NF1: variants seen among roughly 807,000 people sequenced by gnomAD.
NF1 encodes the protein neurofibromin 1.
NF1 carries 122 observed loss-of-function variants against 325.7 expected under a neutral mutation model. The ratio of observed to expected loss-of-function variants is 0.37; its 90% CI spans 0.32 to 0.44. NF1 has a LOEUF of 0.44. NF1 is among the 20% of genes least tolerant of loss of function. The probability of loss-of-function intolerance (pLI) is 1.00; values close to 1 mark genes in which losing one functional copy is unlikely to be tolerated. For missense variants in NF1, 2,140 were observed against 3,415.4 expected (o/e 0.63, Z 9.31); for synonymous variants, 1,091 against 1,186.0 (o/e 0.92, Z 1.65).
At chr17:31,309,444 T>G (rs185840065) in intron 36 of NF1, among the ~76,000 whole-genome samples, 2 of 152,376 alleles carry the variant, frequency 1.3e-5, no homozygotes, top group Non-Finnish European at 1.5e-5. Flanking sequence ...ATATAGGGAT[T>G]TGAATAATCT....
At chr17:31,111,964 A>G (rs574452086) in intron 1 of NF1, among the ~76,000 whole-genome samples, 37 of 152,306 alleles carry the variant, frequency 2.4e-4, no homozygotes, top group African/African-American at 8.2e-4. Flanking sequence ...TTGCCATCCA[A>G]TCAATAAACT....
At chr17:31,358,806 A>T in intron 55 of NF1, 163 bp from the exon 56 acceptor site, 2 of 1,042,572 alleles carry the variant, frequency 1.9e-6, no homozygotes, top group Non-Finnish European at 1.4e-6. Flanking sequence ...TTTTATGCTG[A>T]GTATATTTTA....
chr17:31,123,358 C>A (rs187946240), intron 1 of NF1, among the ~76,000 whole-genome samples: 3 of 152,322 alleles, frequency 2.0e-5, no homozygotes. Flanking sequence ...CATTCTCAAT[C>A]TTTCAGAATC....
intron 1 of NF1, among the ~76,000 whole-genome samples, chr17:31,120,806 A>G (rs1422226096): frequency 6.6e-6 from 1 of 152,040 alleles, no homozygotes; most frequent in Non-Finnish European, 1.5e-5. Context: ...AAAAATCAGC[A>G]TCTGGACTGC....
chr17:31,315,363 C>T (rs1205155793), intron 36 of NF1, among the ~76,000 whole-genome samples: 1 of 152,060 alleles, frequency 6.6e-6, no homozygotes, highest in African/African-American at 2.4e-5. Flanking sequence ...GAGTGACTGT[C>T]ATTAATACCA....
At chr17:31,206,511 A>C (rs1035169520) in intron 12 of NF1, 140 bp downstream of exon 12, 35 of 1,006,144 alleles carry the variant, frequency 3.5e-5, no homozygotes, top group Non-Finnish European at 6.2e-6. Context: ...GGTATGTTGT[A>C]TCTAGAATAT....
chr17:31,330,231 G>A, intron 38 of NF1, 65 bp from the exon 39 acceptor site: 1 of 1,366,446 alleles, frequency 7.3e-7, no homozygotes, highest in Non-Finnish European at 1.0e-6. Context: ...TGTATGTTAT[G>A]AAAAAATTTT....
intron 1 of NF1, among the ~76,000 whole-genome samples, chr17:31,100,292 A>G (rs76760038): frequency 5.5e-4 from 83 of 152,248 alleles, no homozygotes; most frequent in Middle Eastern, 3.4e-3. Context: ...CGAAATTACA[A>G]ACCACATACT....
chr17:31,135,953 T>G (rs572074890), intron 1 of NF1, among the ~76,000 whole-genome samples: 1 of 152,188 alleles, frequency 6.6e-6, no homozygotes, highest in South Asian at 2.1e-4. Flanking sequence ...ACCTCTGGGT[T>G]CATTTTACTT....
chr17:31,266,934 CTTT>C (rs71142040), intron 36 of NF1, among the ~76,000 whole-genome samples: 1 of 143,608 alleles, frequency 7.0e-6, no homozygotes. Flanking sequence ...GCTGCATAAT[CTTT>C]TTTTTTTTTT....
intron 36 of NF1, among the ~76,000 whole-genome samples, chr17:31,288,207 T>C (rs2068276659): frequency 6.6e-6 from 1 of 152,032 alleles, no homozygotes; most frequent in South Asian, 2.1e-4. Context: ...TAAGGATAAG[T>C]GGGTATGTTG....
chr17:31,300,877 A>T (rs569511440), intron 36 of NF1, among the ~76,000 whole-genome samples: 6 of 152,220 alleles, frequency 3.9e-5, no homozygotes, highest in African/African-American at 1.4e-4. Context: ...TTTTAAATGC[A>T]TCTCTGTAAT....
Position 31,119,554 on chromosome 17 carries a change from T to C in NF1, c.60+24185T>C, listed in dbSNP as rs971346680. Among the ~76,000 whole-genome samples the C allele has an allele frequency of 2.6e-5, 4 of 152,222 alleles. No individual in the cohort carries two copies. In the South Asian group the frequency reaches 6.2e-4, roughly 24 times the overall value. ...AGATTGCAAAAATTTTCTCCCATTC[T>C]GTAGGTTGCCTATTCACTCATGATA... On this transcript the variant is annotated intron_variant, in intron 1 of 57. Coordinates refer to ENST00000358273, the MANE Select transcript of NF1 (RefSeq NM_001042492.3).
At chr17:31,331,804 T>A (rs1410040817) in intron 39 of NF1, 1 of 142,138 alleles carries the variant, frequency 7.0e-6, no homozygotes, top group Non-Finnish European at 1.5e-5. Flanking sequence ...AAGAGGATTG[T>A]GGCAGGAGGA....
intron 36 of NF1, chr17:31,320,495 A>C: frequency 2.1e-6 from 3 of 1,401,752 alleles, no homozygotes; most frequent in South Asian, 1.2e-5. Flanking sequence ...GTTATATGTC[A>C]TTGGCTGACA....
At chr17:31,118,899 T>C (rs1467236886) in intron 1 of NF1, among the ~76,000 whole-genome samples, 2 of 151,838 alleles carry the variant, frequency 1.3e-5, no homozygotes, top group East Asian at 3.9e-4. Flanking sequence ...TAATTTACAC[T>C]CCCACCAACA....
intron 47 of NF1, among the ~76,000 whole-genome samples, 163 bp downstream of exon 47, chr17:31,340,808 C>T (rs560539841): frequency 6.9e-6 from 1 of 144,440 alleles, no homozygotes; most frequent in South Asian, 2.2e-4. Context: ...TCATAAAGAA[C>T]TATGTAAACT....
chr17:31,222,601 C>T (rs1211342634), intron 15 of NF1: 1 of 929,778 alleles, frequency 1.1e-6, no homozygotes, highest in Non-Finnish European at 1.3e-6. Flanking sequence ...ATGTTAAAAA[C>T]TTTTTTACTT....
At chr17:31,301,603 G>A (rs866296649) in intron 36 of NF1, among the ~76,000 whole-genome samples, 1 of 152,134 alleles carries the variant, frequency 6.6e-6, no homozygotes, top group African/African-American at 2.4e-5. Flanking sequence ...CCAAATAGAA[G>A]ACTTATGTGA....
Sources: gnomAD v4.1 joint callset for allele counts (sites outside exome capture counted in the v4.1 genomes callset) on GRCh38, gnomAD v4.1.1 for gene constraint, MANE v1.5 for transcripts, NCBI Gene and HGNC (gene_info 2026-07-23, HGNC 2026-07-21) for gene names.